Variants in MCOLN3 observed in about 807,000 individuals in gnomAD.
MCOLN3 encodes the protein mucolipin TRP cation channel 3.
A neutral mutation model predicts 69.4 loss-of-function variants in MCOLN3; 62 were observed. That is an observed-to-expected ratio of 0.89 (90% CI 0.73 to 1.10). The LOEUF (loss-of-function observed/expected upper bound fraction) is 1.10. Among genes scored for constraint, MCOLN3 ranks in the 50% least tolerant of loss-of-function variants. The pLI is 0.00. For synonymous variants in MCOLN3, 183 were observed against 217.0 expected (o/e 0.84, Z 1.38); for missense variants, 564 against 656.4 (o/e 0.86, Z 1.54).
chr1:85,045,060 A>C, intron 2 of MCOLN3, 73 bp downstream of exon 2: 1 of 1,231,150 alleles, frequency 8.1e-7, no homozygotes, highest in Non-Finnish European at 1.1e-6. Context: ...TTATTTAAAA[A>C]AAAAACCACT....
At chr1:85,024,207 G>A (rs1371543871) in intron 9 of MCOLN3, among the ~76,000 whole-genome samples, 1 of 152,062 alleles carries the variant, frequency 6.6e-6, no homozygotes, top group Non-Finnish European at 1.5e-5. Context: ...GAAACAACAA[G>A]ATTAACTACT....
At chr1:85,036,007 A>C (rs935097571) in intron 3 of MCOLN3, among the ~76,000 whole-genome samples, 1 of 152,102 alleles carries the variant, frequency 6.6e-6, no homozygotes, top group Non-Finnish European at 1.5e-5. Flanking sequence ...AACCACCTCC[A>C]GCTATTCACT....
intron 1 of MCOLN3, among the ~76,000 whole-genome samples, chr1:85,046,224 C>A (rs139121827): frequency 6.6e-6 from 1 of 152,106 alleles, no homozygotes; most frequent in East Asian, 1.9e-4. Context: ...AGCCTAATTC[C>A]CAGTCTGTGG....
intron 2 of MCOLN3, among the ~76,000 whole-genome samples, chr1:85,041,661 G>C (rs572854078): frequency 1.3e-5 from 2 of 152,136 alleles, no homozygotes; most frequent in East Asian, 1.9e-4. Flanking sequence ...CCTTAGGTCA[G>C]GAGTTTGAGA....
intron 11 of MCOLN3, 139 bp downstream of exon 11, chr1:85,021,931 A>ACAT (rs1651959535): frequency 3.8e-6 from 4 of 1,052,146 alleles, no homozygotes; most frequent in Non-Finnish European, 5.5e-6. Context: ...TCACTTTATA[A>ACAT]ATATGGCACT....
chr1:85,037,117 T>C (rs1310388697), intron 3 of MCOLN3, among the ~76,000 whole-genome samples: 1 of 152,204 alleles, frequency 6.6e-6, no homozygotes, highest in Non-Finnish European at 1.5e-5. Context: ...TAGGTGATTA[T>C]GGCACCAAGC....
intron 12 of MCOLN3, among the ~76,000 whole-genome samples, chr1:85,020,410 C>A (rs1329080817): frequency 6.6e-6 from 1 of 152,204 alleles, no homozygotes; most frequent in Non-Finnish European, 1.5e-5. Context: ...ACAAATACAC[C>A]TAACAGTATA....
At chr1:85,020,104 A>C (rs1651852901) in intron 12 of MCOLN3, among the ~76,000 whole-genome samples, 1 of 152,220 alleles carries the variant, frequency 6.6e-6, no homozygotes, top group Non-Finnish European at 1.5e-5. Flanking sequence ...GGAGGCAGTG[A>C]ACTTTTAGAG....
rs139335451 is a variant in MCOLN3, at chr1:85,022,409, G to C, written c.1096-9C>G. Reference sequence around the variant, plus strand: ...TCATAACTAGTTAGACTCTAAGAGAGAGTGGAAAAATATAATCAGATTATA... The same window carrying C: ...TCATAACTAGTTAGACTCTAAGAGACAGTGGAAAAATATAATCAGATTATA... On this transcript the variant is annotated splice_polypyrimidine_tract_variant and intron_variant, in intron 9 of 12. Transcript: ENST00000370589. 5.9e-5 allele frequency: 91 copies of C among 1,548,640 alleles called. No homozygotes were observed. In the African/African-American group the frequency reaches 1.1e-3, roughly 18 times the overall value.
chr1:85,023,128 T>C (rs1454467487), intron 9 of MCOLN3: 5 of 148,170 alleles, frequency 3.4e-5, no homozygotes, highest in Non-Finnish European at 5.9e-5. Flanking sequence ...TCACCCAGGC[T>C]GGAGTGCCGT....
chr1:85,023,288 C>T (rs1245390507), intron 9 of MCOLN3: 1 of 151,914 alleles, frequency 6.6e-6, no homozygotes. Flanking sequence ...ACTATGTTTC[C>T]CAGGCTGGTC....
chr1:85,040,911 A>T, intron 3 of MCOLN3, 99 bp downstream of exon 3: 1 of 1,109,210 alleles, frequency 9.0e-7, no homozygotes, highest in Non-Finnish European at 1.3e-6. Context: ...AGAAATGTTC[A>T]CCCTTCTCCA....
chr1:85,037,439 C>T lies in MCOLN3; in HGVS notation c.397-3188G>A, dbSNP rs146454067. Among the ~76,000 whole-genome samples the T allele has an allele frequency of 4.6e-5, 7 of 152,326 alleles. No homozygotes were observed. The East Asian group carries it at 1.3e-3, about 29-fold the overall frequency. On this transcript the variant is annotated intron_variant, in intron 3 of 12. Coordinates refer to ENST00000370589, the MANE Select transcript of MCOLN3 (RefSeq NM_018298.11). Reference sequence around the variant, plus strand: ...ATTGTGGGGCAGTCCCCACAAGAATCACCTAAAGGTCTGAACCTCCTGACC... The same window carrying T: ...ATTGTGGGGCAGTCCCCACAAGAATTACCTAAAGGTCTGAACCTCCTGACC...
At chr1:85,045,675 ATAGT>A (rs1653314858) in intron 1 of MCOLN3, among the ~76,000 whole-genome samples, 1 of 152,186 alleles carries the variant, frequency 6.6e-6, no homozygotes, top group Admixed American at 6.5e-5. Flanking sequence ...CTCACTCAGT[ATAGT>A]TAGAGGATCA....
intron 4 of MCOLN3, among the ~76,000 whole-genome samples, 188 bp from the exon 5 acceptor site, chr1:85,033,144 G>A (rs1225470468): frequency 6.6e-6 from 1 of 152,052 alleles, no homozygotes; most frequent in Non-Finnish European, 1.5e-5. Context: ...GTGTTTTTAA[G>A]ACCTAAGTGG....
At chr1:85,031,057 G>C (rs1214357054) in intron 6 of MCOLN3, among the ~76,000 whole-genome samples, 2 of 152,002 alleles carry the variant, frequency 1.3e-5, no homozygotes, top group Non-Finnish European at 2.9e-5. Flanking sequence ...TGGATCACGA[G>C]GTCAAGAGAT....
At chr1:85,044,548 T>C (rs976101129) in intron 2 of MCOLN3, among the ~76,000 whole-genome samples, 11 of 152,184 alleles carry the variant, frequency 7.2e-5, no homozygotes, top group African/African-American at 2.4e-4. Context: ...GGTTCCCCCT[T>C]TCCCCCAAAA....
At chr1:85,045,420 A>C in intron 1 of MCOLN3, 58 bp from the exon 2 acceptor site, 1 of 1,360,886 alleles carries the variant, frequency 7.3e-7, no homozygotes, top group South Asian at 1.3e-5. Context: ...GAGTAAAGAC[A>C]CAAGTCCATA....
At chr1:85,021,357 C>T (rs1651931687) in intron 11 of MCOLN3, 81 bp from the exon 12 acceptor site, 2 of 1,150,382 alleles carry the variant, frequency 1.7e-6, no homozygotes, top group South Asian at 2.9e-5. Context: ...TTGTATTAAA[C>T]ATAAAGGGAC....
Sources: gnomAD v4.1 joint callset for allele counts (sites outside exome capture counted in the v4.1 genomes callset) on GRCh38, gnomAD v4.1.1 for gene constraint, MANE v1.5 for transcripts, NCBI Gene and HGNC (gene_info 2026-07-23, HGNC 2026-07-21) for gene names.